The following HDAC9 variants were observed in gnomAD, a reference collection of about 807,000 sequenced individuals.
The protein encoded by HDAC9 is histone deacetylase 9, also known as MEF-2 interacting transcription repressor (MITR) protein.
In HDAC9, 41 loss-of-function variants were observed where a neutral mutation model predicts 139.4. The observed-to-expected ratio is 0.29, with a 90% confidence interval of 0.23 to 0.38. The LOEUF (loss-of-function observed/expected upper bound fraction) is 0.38, where lower values mean the gene tolerates loss of function less well. HDAC9 is among the 10% of genes least tolerant of loss of function. HDAC9 has a pLI of 1.00. For synonymous variants in HDAC9, 517 were observed against 476.2 expected, an observed-to-expected ratio of 1.09 and a Z score of -1.12; for missense variants, 1,147 against 1,297.0, an observed-to-expected ratio of 0.88 and a Z score of 1.78.
At chr7:18,362,280 T>G (rs1266027751) in intron 1 of HDAC9, among the ~76,000 whole-genome samples, 4 of 152,250 alleles carry the variant, frequency 2.6e-5, no homozygotes, top group Non-Finnish European at 5.9e-5. Flanking sequence ...AATAGAAATC[T>G]GTGATGCTTA....
intron 2 of HDAC9, among the ~76,000 whole-genome samples, chr7:18,272,328 G>A (rs1359260625): frequency 9.2e-5 from 14 of 152,084 alleles, no homozygotes; most frequent in Admixed American, 9.2e-4. Context: ...CTTGACGGGG[G>A]CATATTTAAG....
intron 2 of HDAC9, among the ~76,000 whole-genome samples, chr7:18,566,400 G>T (rs1298833828): frequency 6.6e-6 from 1 of 152,158 alleles, no homozygotes; most frequent in Non-Finnish European, 1.5e-5. Flanking sequence ...CTTTACATCA[G>T]AATCTATTAT....
chr7:18,348,906 A>G (rs1441026276), intron 1 of HDAC9, among the ~76,000 whole-genome samples: 1 of 152,172 alleles, frequency 6.6e-6, no homozygotes, highest in Non-Finnish European at 1.5e-5. Context: ...ATGACTATTT[A>G]AATGGAGTCT....
rs889104479 is a variant in HDAC9, at chr7:18,097,049, A to G, written c.-97+9836A>G. Among the ~76,000 whole-genome samples, 9 of 152,312 alleles carry G rather than the reference A, an allele frequency of 5.9e-5. No homozygotes were observed. In the South Asian group the frequency reaches 6.2e-4, roughly 11 times the overall value. ...CTATGTCTATGCTCTGCAACATCAT[A>G]GCCACTAGGCACATGTGGTCTTTGA... On this transcript the variant is annotated intron_variant, in intron 1 of 12. Transcript: ENST00000417496.
intron 1 of HDAC9, among the ~76,000 whole-genome samples, chr7:18,355,789 C>T (rs1783211474): frequency 6.6e-6 from 1 of 152,032 alleles, no homozygotes; most frequent in Non-Finnish European, 1.5e-5. Flanking sequence ...AAAAGCACTA[C>T]AAAAAGGAGG....
intron 24 of HDAC9, among the ~76,000 whole-genome samples, chr7:18,961,174 A>G (rs1783505448): frequency 6.6e-6 from 1 of 152,158 alleles, no homozygotes; most frequent in Non-Finnish European, 1.5e-5. Flanking sequence ...AGGTATTCCC[A>G]ATATTGGAAA....
intron 12 of HDAC9, among the ~76,000 whole-genome samples, chr7:18,717,537 T>C (rs1043792262): frequency 1.3e-5 from 2 of 151,892 alleles, no homozygotes; most frequent in East Asian, 1.9e-4. Flanking sequence ...GTTCAAGTGA[T>C]TCTCCTGCCT....
intron 1 of HDAC9, among the ~76,000 whole-genome samples, chr7:18,416,690 T>A (rs1260977673): frequency 6.6e-6 from 1 of 152,152 alleles, no homozygotes; most frequent in Non-Finnish European, 1.5e-5. Flanking sequence ...AAAAAATTGT[T>A]TATAATATTA....
At chr7:18,300,727 GTTATA>G (rs960675821) in intron 1 of HDAC9, among the ~76,000 whole-genome samples, 1 of 151,788 alleles carries the variant, frequency 6.6e-6, no homozygotes, top group African/African-American at 2.4e-5. Context: ...AAACAGACCG[GTTATA>G]TTAAAACTAG....
chr7:18,984,090 A>G (rs1785133706), intron 25 of HDAC9, among the ~76,000 whole-genome samples: 1 of 152,158 alleles, frequency 6.6e-6, no homozygotes, highest in South Asian at 2.1e-4. Context: ...TCCACAGGAC[A>G]TAAGTGAAAA....
intron 2 of HDAC9, among the ~76,000 whole-genome samples, chr7:18,280,402 A>G (rs1797024540): frequency 6.6e-6 from 1 of 152,158 alleles, no homozygotes; most frequent in Non-Finnish European, 1.5e-5. Context: ...AGCCTGACCA[A>G]CATGGTGAAA....
intron 21 of HDAC9, among the ~76,000 whole-genome samples, chr7:18,859,774 C>T (rs1234662532): frequency 2.2e-5 from 3 of 136,450 alleles, no homozygotes; most frequent in African/African-American, 8.0e-5. Flanking sequence ...GCTTCTTTTT[C>T]TCTCCTCTTG....
At chr7:18,566,066 G>A (rs552193729) in intron 2 of HDAC9, among the ~76,000 whole-genome samples, 24 of 152,192 alleles carry the variant, frequency 1.6e-4, no homozygotes, top group African/African-American at 5.3e-4. Flanking sequence ...TTCTTGTTTT[G>A]CTAAGTAACA....
Position 18,974,607 on chromosome 7 carries a change from CA to C in HDAC9, c.3023-1197del, listed in dbSNP as rs535525268. On this transcript the variant is annotated intron_variant, in intron 24 of 25. Coordinates refer to ENST00000686413, the MANE Select transcript of HDAC9 (RefSeq NM_178425.4). ...CTTTGGTCAGAATAAGGGATCACAG[CA>C]AGTTAAATAGTAATGGACACCTATG... Among the ~76,000 whole-genome samples, 10 of 152,252 alleles carry C rather than the reference CA, an allele frequency of 6.6e-5. No homozygotes were observed. In the South Asian group the frequency reaches 2.1e-3, roughly 32 times the overall value.
chr7:18,208,386 T>TG (rs1562749875), intron 2 of HDAC9, among the ~76,000 whole-genome samples: 1 of 151,194 alleles, frequency 6.6e-6, no homozygotes, highest in East Asian at 1.9e-4. Context: ...TTTTTTTTTT[T>TG]TTTTGAGACA....
chr7:18,863,813 A>G (rs1485086105), intron 21 of HDAC9, among the ~76,000 whole-genome samples: 2 of 152,178 alleles, frequency 1.3e-5, no homozygotes, highest in Admixed American at 6.5e-5. Flanking sequence ...TGAAAAGATA[A>G]TAGACGACTA....
rs565290177 is a variant in HDAC9 at position 18,722,028 on chromosome 7, C to T, written c.1732-5552C>T. ...TATTGAGGAATTTACAAAATAGTTG[C>T]ATAACAACTCTTCTGTCAAAGTAAT... On this transcript the variant is annotated intron_variant, in intron 12 of 25. Transcript: ENST00000686413. Among the ~76,000 whole-genome samples the T allele has an allele frequency of 3.3e-5, 5 of 152,264 alleles. No homozygotes were observed. The East Asian group carries it at 9.6e-4, about 29-fold the overall frequency.
intron 8 of HDAC9, among the ~76,000 whole-genome samples, chr7:18,639,489 ACAATATGTCT>A (rs1450716222): frequency 4.6e-5 from 7 of 152,184 alleles, no homozygotes; most frequent in Non-Finnish European, 5.9e-5. Context: ...TTTTGGTCTC[ACAATATGTCT>A]CACCATTTTA....
At chr7:18,940,549 A>T (rs1434317536) in intron 23 of HDAC9, among the ~76,000 whole-genome samples, 1 of 152,194 alleles carries the variant, frequency 6.6e-6, no homozygotes, top group Non-Finnish European at 1.5e-5. Context: ...GGTTTGCAAG[A>T]AATTGAAGTG....
Sources: allele counts gnomAD v4.1 joint callset (sites outside exome capture counted in the v4.1 genomes callset), GRCh38; gene constraint gnomAD v4.1.1; transcripts MANE v1.5; gene names NCBI Gene and HGNC (gene_info 2026-07-23, HGNC 2026-07-21).